Variants in MDGA2 observed in about 807,000 individuals in gnomAD.
The protein encoded by MDGA2 is MAM domain containing glycosylphosphatidylinositol anchor 2.
Under a neutral mutation model 117.8 loss-of-function variants are expected in MDGA2, and 40 were observed. The observed-to-expected ratio is 0.34, with a 90% CI of 0.26 to 0.44. The LOEUF (loss-of-function observed/expected upper bound fraction) is 0.44, where lower values mean the gene tolerates loss of function less well. MDGA2 is among the 20% of genes least tolerant of loss of function. The pLI, the probability that MDGA2 is intolerant of heterozygous loss-of-function variation, is 1.00. For missense variants in MDGA2, 1,123 were observed against 1,250.6 expected (o/e 0.90, Z 1.54); for synonymous variants, 452 against 439.0 (o/e 1.03, Z -0.37).
At chr14:46,864,150 G>C (rs1472933486) in intron 14 of MDGA2, among the ~76,000 whole-genome samples, 1 of 149,736 alleles carries the variant, frequency 6.7e-6, no homozygotes, top group Non-Finnish European at 1.5e-5. Context: ...TAGGGTGAGA[G>C]TGGTGGGAGG....
intron 5 of MDGA2, among the ~76,000 whole-genome samples, chr14:47,115,185 C>T (rs1881260241): frequency 6.6e-6 from 1 of 152,032 alleles, no homozygotes; most frequent in Non-Finnish European, 1.5e-5. Flanking sequence ...CTGTCAATTA[C>T]TTTTAATTCC....
rs563369092 is a variant in MDGA2 at position 47,412,574 on chromosome 14, G to A, written c.281-111024C>T. On this transcript the variant is annotated intron_variant, in intron 1 of 16. Coordinates refer to ENST00000399232, the MANE Select transcript of MDGA2 (RefSeq NM_001113498.3). ...TGGGATTACAGGCATGAGCTACTGT[G>A]TCCTGCTGAAAATATTTCAAGTTGC... Among the ~76,000 whole-genome samples, 8 of 152,320 alleles carry A rather than the reference G, an allele frequency of 5.3e-5. No homozygotes were observed. The South Asian group carries it at 1.0e-3, about 20-fold the overall frequency.
intron 15 of MDGA2, among the ~76,000 whole-genome samples, chr14:46,852,320 GA>G (rs1404580488): frequency 6.6e-6 from 1 of 151,156 alleles, no homozygotes; most frequent in Non-Finnish European, 1.5e-5. Flanking sequence ...TGATCCCTGG[GA>G]AATGGGAGTC....
chr14:47,086,529 T>C (rs2138920768), intron 6 of MDGA2, among the ~76,000 whole-genome samples: 1 of 152,254 alleles, frequency 6.6e-6, no homozygotes, highest in African/African-American at 2.4e-5. Context: ...GTTTTAAGCA[T>C]TATTTTTAAA....
rs1365045671 is a variant in MDGA2 at position 47,252,574 on chromosome 14, T to C, written c.421-34379A>G. Among the ~76,000 whole-genome samples, 4 of 152,188 alleles carry C rather than the reference T, an allele frequency of 2.6e-5. No individual in the cohort carries two copies. In the East Asian group the frequency reaches 7.7e-4, roughly 29 times the overall value. On this transcript the variant is annotated intron_variant, in intron 2 of 16. Coordinates refer to ENST00000399232, the MANE Select transcript of MDGA2 (RefSeq NM_001113498.3). ...AAATTGAATCTGTTAATTTACTATGTTTTTACTGCAAATTGAGACACACTG... is the reference window on the plus strand; with the variant it reads ...AAATTGAATCTGTTAATTTACTATGCTTTTACTGCAAATTGAGACACACTG...
intron 3 of MDGA2, among the ~76,000 whole-genome samples, chr14:47,178,758 C>G (rs1207448059): frequency 6.6e-6 from 1 of 152,078 alleles, no homozygotes; most frequent in Non-Finnish European, 1.5e-5. Context: ...ACTACACAAG[C>G]TATTCAAATG....
intron 1 of MDGA2, among the ~76,000 whole-genome samples, chr14:47,512,949 T>TTTTTTTTTTTTTGAGACGG (rs1894672188): frequency 1.3e-5 from 2 of 151,884 alleles, no homozygotes; most frequent in African/African-American, 4.9e-5. Flanking sequence ...AGGAAACTTT[T>TTTTTTTTTTTTTGAGACGG]AATAATATCC....
chr14:47,519,588 GT>G (rs1201716575), intron 1 of MDGA2, among the ~76,000 whole-genome samples: 3 of 152,156 alleles, frequency 2.0e-5, no homozygotes, highest in South Asian at 2.1e-4. Flanking sequence ...AACGGCAAAG[GT>G]TAAATTCTCC....
intron 5 of MDGA2, 82 bp from the exon 6 acceptor site, chr14:47,097,205 T>G: frequency 6.9e-7 from 1 of 1,448,296 alleles, no homozygotes; most frequent in South Asian, 1.3e-5. Flanking sequence ...TATTGGTTCA[T>G]TCAAAAAATT....
In MDGA2 at chr14:47,435,955, C is replaced by CT. The variant is rs377047640; in HGVS notation, c.281-134406dup. On this transcript the variant is annotated intron_variant, in intron 1 of 16. Coordinates refer to ENST00000399232, the MANE Select transcript of MDGA2 (RefSeq NM_001113498.3). ...TTTCCAACTGACCTAAAATCATGGG[C>CT]TTTTTTCTGGGGCTCTTTTCCTTTT... is the stretch of plus-strand genomic sequence containing the variant. 3.6e-3 allele frequency among the ~76,000 whole-genome samples: 542 copies of CT among 152,130 alleles called. 7 individuals carry two copies. The highest frequency in any genetic ancestry group is 0.012 in the African/African-American group (507 of 41,512).
At chr14:46,945,255 G>A (rs1417249152) in intron 9 of MDGA2, among the ~76,000 whole-genome samples, 3 of 151,980 alleles carry the variant, frequency 2.0e-5, no homozygotes, top group East Asian at 1.9e-4. Context: ...TTAAAATTCC[G>A]CCTCCCTCTA....
chr14:47,053,644 T>TACAC (rs1889548931), intron 7 of MDGA2, among the ~76,000 whole-genome samples: 1 of 39,132 alleles, frequency 2.6e-5, no homozygotes, highest in African/African-American at 1.1e-4. Flanking sequence ...TATATATATA[T>TACAC]ATATATATAT....
intron 1 of MDGA2, among the ~76,000 whole-genome samples, chr14:47,429,655 T>G (rs1357852993): frequency 2.6e-5 from 4 of 152,158 alleles, no homozygotes; most frequent in African/African-American, 7.2e-5. Flanking sequence ...GCTTAGTGCC[T>G]GCTTCACTTA....
intron 1 of MDGA2, among the ~76,000 whole-genome samples, chr14:47,559,072 T>G (rs913863018): frequency 2.0e-5 from 3 of 152,174 alleles, no homozygotes; most frequent in Middle Eastern, 6.3e-3. Context: ...GATGAAAAGT[T>G]GAGATGAATT....
At chr14:47,003,411 C>T (rs1213801478) in intron 8 of MDGA2, among the ~76,000 whole-genome samples, 1 of 151,868 alleles carries the variant, frequency 6.6e-6, no homozygotes, top group Non-Finnish European at 1.5e-5. Flanking sequence ...GGTTTGTACC[C>T]TTTTACATTC....
chr14:46,904,727 T>C (rs962467124), intron 10 of MDGA2, among the ~76,000 whole-genome samples: 2 of 152,208 alleles, frequency 1.3e-5, no homozygotes, highest in African/African-American at 2.4e-5. Context: ...TGTTTACATT[T>C]AAAGAAGTAG....
At chr14:47,010,126 T>C (rs1338591465) in intron 8 of MDGA2, among the ~76,000 whole-genome samples, 1 of 152,072 alleles carries the variant, frequency 6.6e-6, no homozygotes, top group Non-Finnish European at 1.5e-5. Flanking sequence ...CTTTACTGAC[T>C]GGCATGGAAA....
At chr14:47,145,368 T>A (rs1277687183) in intron 3 of MDGA2, among the ~76,000 whole-genome samples, 3 of 152,160 alleles carry the variant, frequency 2.0e-5, no homozygotes, top group Non-Finnish European at 4.4e-5. Context: ...TGAGTTCCAA[T>A]AAAACTTTAT....
At chr14:47,004,247 C>A (rs937192706) in intron 8 of MDGA2, among the ~76,000 whole-genome samples, 2 of 151,736 alleles carry the variant, frequency 1.3e-5, no homozygotes, top group African/African-American at 4.8e-5. Context: ...TTTGTGTCAA[C>A]TTTTGTATAT....
Sources: allele counts gnomAD v4.1 joint callset (sites outside exome capture counted in the v4.1 genomes callset), GRCh38; gene constraint gnomAD v4.1.1; transcripts MANE v1.5; gene names NCBI Gene and HGNC (gene_info 2026-07-23, HGNC 2026-07-21).